The following MAST4 variants were observed in gnomAD, a reference collection of about 807,000 sequenced individuals.
The protein encoded by MAST4 is microtubule-associated serine/threonine-protein kinase 4.
In MAST4, 89 loss-of-function variants were observed where a neutral mutation model predicts 162.7. The observed-to-expected ratio is 0.55, with a 90% CI of 0.46 to 0.65. The LOEUF is 0.65. MAST4 is among the 30% of genes least tolerant of loss of function. The pLI is 0.00. For missense variants in MAST4, 3,153 were observed against 3,374.0 expected, an observed-to-expected ratio of 0.93 and a Z score of 1.62; for synonymous variants, 1,479 against 1,361.1, an observed-to-expected ratio of 1.09 and a Z score of -1.91.
In MAST4 at chr5:67,152,644, T is replaced by C; in HGVS notation, c.3303T>C (p.Phe1101=). 1 of 1,613,858 alleles carries C rather than the reference T, an allele frequency of 6.2e-7. No individual in the cohort carries two copies. The highest frequency in any genetic ancestry group is 8.5e-7 in the Non-Finnish European group (1 of 1,179,708). ...ALSLMIPGDM[F]AVSPLGSPMS... ...CTGGCTTCTTTGTTACAGATATGTT[T>C]GCTGTTTCCCCTCTGGGAAGTCCAA... The change falls in exon 25 of 29, where the codon TTT becomes TTC. Residue 1101 remains phenylalanine (F), a synonymous_variant. Transcript: ENST00000403625.
rs1358850369 is a variant in MAST4 at position 67,104,369 on chromosome 5, A to T, written c.1150A>T (p.Thr384Ser). 4.3e-6 allele frequency: 7 copies of T among 1,611,780 alleles called. No homozygotes were observed. The highest frequency in any genetic ancestry group is 4.2e-6 in the Non-Finnish European group (5 of 1,177,936). The change falls in exon 10 of 29, where the codon ACA becomes TCA. Residue 384 changes from threonine to serine, a missense_variant. By Grantham distance (58) the Thr-to-Ser change is moderately conservative. Around this residue, in one of 7 missense-constraint regions of MAST4, gnomAD observed 360 missense variants for 450.0 expected, o/e 0.80. Transcript: ENST00000403625. ...TATGTGTGTCTTCTCTATATAGGCT[A>T]CAGCTCAGATGGAAGAACGTCTAAA... is the stretch of plus-strand genomic sequence containing the variant. ...HVYKERFPKA[T>S]AQMEERLKEI...
chr5:66,616,369 T>G (rs763770005), intron 1 of MAST4, among the ~76,000 whole-genome samples: 2 of 152,066 alleles, frequency 1.3e-5, no homozygotes, highest in Non-Finnish European at 1.5e-5. Context: ...ATTTTAAGTA[T>G]GAGATGTTCA....
intron 1 of MAST4, among the ~76,000 whole-genome samples, chr5:66,681,656 T>C (rs1440460315): frequency 6.6e-6 from 1 of 152,194 alleles, no homozygotes; most frequent in Admixed American, 6.5e-5. Context: ...TTCTTTATAT[T>C]TGTGCTTCTC....
chr5:66,757,948 AT>A (rs1561310751), intron 1 of MAST4, among the ~76,000 whole-genome samples: 3 of 152,184 alleles, frequency 2.0e-5, no homozygotes. Context: ...TCTAGAGGCT[AT>A]ATGGAAACTT....
intron 3 of MAST4, among the ~76,000 whole-genome samples, chr5:66,800,524 A>G (rs1277995342): frequency 6.6e-6 from 1 of 152,124 alleles, no homozygotes; most frequent in African/African-American, 2.4e-5. Flanking sequence ...TGGGAACACC[A>G]GACACTGGGG....
chr5:67,045,988 A>G (rs1169117407), intron 4 of MAST4, among the ~76,000 whole-genome samples: 1 of 152,150 alleles, frequency 6.6e-6, no homozygotes. Flanking sequence ...TACATTTTGC[A>G]TATTTCACGT....
At chr5:66,953,859 G>T (rs978436197) in intron 4 of MAST4, among the ~76,000 whole-genome samples, 1 of 152,118 alleles carries the variant, frequency 6.6e-6, no homozygotes, top group South Asian at 2.1e-4. Context: ...GGCATCCCTG[G>T]CCTCTACTCA....
At chr5:66,989,256 G>T (rs1349487833) in intron 4 of MAST4, among the ~76,000 whole-genome samples, 1 of 151,982 alleles carries the variant, frequency 6.6e-6, no homozygotes, top group Admixed American at 6.6e-5. Flanking sequence ...TTTTCAAACC[G>T]CACCTGCCCC....
At chr5:66,990,102 C>A in intron 4 of MAST4, among the ~76,000 whole-genome samples, 1 of 152,126 alleles carries the variant, frequency 6.6e-6, no homozygotes, top group East Asian at 1.9e-4. Context: ...TATGAATTAT[C>A]GATGGATTTC....
At position 67,056,862 on chromosome 5, in the gene MAST4, A is replaced by ATT. The variant is rs112396470; in HGVS notation, c.763+2381_763+2382dup. Among the ~76,000 whole-genome samples, 377 of 147,216 alleles carry ATT rather than the reference A, an allele frequency of 2.6e-3. 8 individuals carry two copies. Among genetic ancestry groups the ATT allele is most frequent in the African/African-American group, 8.9e-3 (361 of 40,524 alleles). On this transcript the variant is annotated intron_variant, in intron 5 of 28. Transcript: ENST00000403625. ...TAGGCCATGCCACCATGCCCAGCTAATTTTTTTTTTTTGTATTTTTAGTAG... is the reference window on the plus strand; with the variant it reads ...TAGGCCATGCCACCATGCCCAGCTAATTTTTTTTTTTTTTGTATTTTTAGTAG...
chr5:66,665,335 T>C lies in MAST4; in HGVS notation c.363+68317T>C, dbSNP rs137930001. Among the ~76,000 whole-genome samples, 379 of 152,300 alleles carry C rather than the reference T, an allele frequency of 2.5e-3. 2 individuals are homozygous for C. The highest frequency in any genetic ancestry group is 3.0e-3 in the Non-Finnish European group (206 of 68,020). ...GTTGCATGCCATGTGCTATGTCTTT[T>C]AGCGGCTAACAATGGCTGGGATCCA... On this transcript the variant is annotated intron_variant, in intron 1 of 28. Transcript: ENST00000403625.
At chr5:67,054,190 A>T in intron 4 of MAST4, among the ~76,000 whole-genome samples, 1 of 152,282 alleles carries the variant, frequency 6.6e-6, no homozygotes, top group East Asian at 1.9e-4. Flanking sequence ...GTGGTGAGGA[A>T]TATTGATGGT....
intron 4 of MAST4, among the ~76,000 whole-genome samples, chr5:67,027,430 G>A (rs888044259): frequency 6.6e-6 from 1 of 152,088 alleles, no homozygotes; most frequent in Non-Finnish European, 1.5e-5. Context: ...GGATCTGGAG[G>A]GCTAATGATA....
intron 4 of MAST4, among the ~76,000 whole-genome samples, chr5:66,994,300 G>A (rs988708564): frequency 2.0e-5 from 3 of 152,110 alleles, no homozygotes; most frequent in Non-Finnish European, 4.4e-5. Flanking sequence ...CCAATCTGGT[G>A]TATTTTTCAG....
intron 12 of MAST4, among the ~76,000 whole-genome samples, chr5:67,117,948 T>G (rs777290489): frequency 1.1e-4 from 16 of 152,212 alleles, no homozygotes; most frequent in Non-Finnish European, 1.9e-4. Flanking sequence ...CAAGACTGAT[T>G]ATACAATATG....
chr5:66,694,208 G>T (rs1326694947), intron 1 of MAST4, among the ~76,000 whole-genome samples: 11 of 152,164 alleles, frequency 7.2e-5, no homozygotes, highest in African/African-American at 1.2e-4. Context: ...GAGCTTGGGT[G>T]TTTTTTCAAA....
chr5:66,800,645 C>T (rs1049129044), intron 3 of MAST4, among the ~76,000 whole-genome samples: 2 of 152,014 alleles, frequency 1.3e-5, no homozygotes, highest in African/African-American at 2.4e-5. Flanking sequence ...ACCCCCATGA[C>T]ACAGGTTTAC....
At chr5:66,611,869 A>G (rs1033623281) in intron 1 of MAST4, among the ~76,000 whole-genome samples, 1 of 152,236 alleles carries the variant, frequency 6.6e-6, no homozygotes. Context: ...ATTTGAATGA[A>G]AAGTGGTGGA....
chr5:67,097,701 A>G (rs1468083992), intron 7 of MAST4, among the ~76,000 whole-genome samples: 1 of 152,146 alleles, frequency 6.6e-6, no homozygotes, highest in Admixed American at 6.6e-5. Flanking sequence ...AGACGTTAGT[A>G]TCATATAATT....
Sources: gnomAD v4.1 joint callset for allele counts (sites outside exome capture counted in the v4.1 genomes callset) on GRCh38, gnomAD v4.1.1 for gene constraint, gnomAD v4.1.1 regional missense constraint, MANE v1.5 for transcripts, NCBI Gene and HGNC (gene_info 2026-07-23, HGNC 2026-07-21) for gene names.